MYT1L: variants seen among roughly 807,000 people sequenced by gnomAD.
The protein encoded by MYT1L is myelin transcription factor 1 like.
Under a neutral mutation model 126.7 loss-of-function variants are expected in MYT1L, and 12 were observed. That is an observed-to-expected ratio of 0.09 (90% CI 0.06 to 0.15). The LOEUF (loss-of-function observed/expected upper bound fraction) is 0.15, where lower values mean the gene tolerates loss of function less well. MYT1L is among the 10% of genes least tolerant of loss of function. The pLI, the probability that MYT1L is intolerant of heterozygous loss-of-function variation, is 1.00. For synonymous variants in MYT1L, 541 were observed against 604.2 expected, an observed-to-expected ratio of 0.90 and a Z score of 1.53; for missense variants, 979 against 1,585.2, an observed-to-expected ratio of 0.62 and a Z score of 6.49.
chr2:2,184,186 A>G (rs2091879740), intron 2 of MYT1L, among the ~76,000 whole-genome samples: 1 of 152,200 alleles, frequency 6.6e-6, no homozygotes, highest in Non-Finnish European at 1.5e-5. Flanking sequence ...AACACAGCTG[A>G]TATCTACCTA....
chr2:1,938,495 C>T (rs188617223), intron 9 of MYT1L, among the ~76,000 whole-genome samples: 4 of 152,098 alleles, frequency 2.6e-5, no homozygotes, highest in Admixed American at 1.3e-4. Context: ...GGTAGGTCTA[C>T]GTATAATAAA....
chr2:1,944,557 G>A (rs184607738), intron 8 of MYT1L, among the ~76,000 whole-genome samples: 149 of 152,166 alleles, frequency 9.8e-4, no homozygotes, highest in African/African-American at 3.4e-3. Flanking sequence ...TATTCTGCAG[G>A]GGGGCTCCTG....
chr2:2,265,458 A>C (rs1450359240), intron 2 of MYT1L, among the ~76,000 whole-genome samples: 1 of 152,194 alleles, frequency 6.6e-6, no homozygotes, highest in Non-Finnish European at 1.5e-5. Context: ...TATTTTAATA[A>C]GTGCGAGTCC....
chr2:2,029,148 T>C (rs1272425543), intron 4 of MYT1L, among the ~76,000 whole-genome samples: 2 of 152,196 alleles, frequency 1.3e-5, no homozygotes, highest in Non-Finnish European at 2.9e-5. Context: ...GGTAATATTT[T>C]ATTGAACTAT....
chr2:2,309,127 A>G (rs1178431733), intron 1 of MYT1L, among the ~76,000 whole-genome samples: 1 of 150,340 alleles, frequency 6.7e-6, no homozygotes, highest in Admixed American at 6.6e-5. Context: ...ACCCACTTCA[A>G]TATACTCTAA....
intron 21 of MYT1L, among the ~76,000 whole-genome samples, chr2:1,821,850 A>G (rs996031964): frequency 3.3e-5 from 5 of 152,146 alleles, no homozygotes; most frequent in African/African-American, 1.2e-4. Flanking sequence ...TGACGTTCCC[A>G]TCTTCAGTAC....
intron 4 of MYT1L, among the ~76,000 whole-genome samples, chr2:2,040,129 T>C (rs1193013551): frequency 6.6e-6 from 1 of 152,200 alleles, no homozygotes; most frequent in Non-Finnish European, 1.5e-5. Flanking sequence ...GGCTACTATT[T>C]CAGTCTCATT....
intron 21 of MYT1L, chr2:1,828,404 G>C (rs2039662671): frequency 6.6e-6 from 1 of 152,188 alleles, no homozygotes; most frequent in Admixed American, 6.5e-5. Flanking sequence ...GAATGAGAAA[G>C]AGGTAAGGTG....
intron 19 of MYT1L, among the ~76,000 whole-genome samples, chr2:1,843,354 AT>A (rs1343790599): frequency 1.3e-5 from 2 of 152,332 alleles, no homozygotes; most frequent in South Asian, 4.1e-4. Context: ...AGAGCGGGTC[AT>A]TCAATGCATG....
intron 3 of MYT1L, among the ~76,000 whole-genome samples, chr2:2,152,691 A>G (rs973744980): frequency 6.6e-6 from 1 of 152,192 alleles, no homozygotes. Context: ...GGGCCTGATA[A>G]TCATAGCCCT....
intron 8 of MYT1L, among the ~76,000 whole-genome samples, chr2:1,946,079 C>T (rs917917022): frequency 5.3e-5 from 8 of 152,228 alleles, no homozygotes; most frequent in African/African-American, 1.9e-4. Context: ...CTGAGCTCTG[C>T]CTCCTGTCAG....
intron 4 of MYT1L, among the ~76,000 whole-genome samples, chr2:2,003,118 C>A (rs996347120): frequency 6.6e-6 from 1 of 152,126 alleles, no homozygotes; most frequent in Non-Finnish European, 1.5e-5. Flanking sequence ...TACAACTGCT[C>A]CAAAATATGC....
intron 4 of MYT1L, among the ~76,000 whole-genome samples, chr2:2,015,180 C>T (rs2064246149): frequency 6.6e-6 from 1 of 152,168 alleles, no homozygotes; most frequent in Non-Finnish European, 1.5e-5. Context: ...CACTGCAATG[C>T]TGAAGAGAAT....
intron 3 of MYT1L, among the ~76,000 whole-genome samples, chr2:2,095,157 CA>C (rs144833729): frequency 6.6e-6 from 1 of 152,314 alleles, no homozygotes; most frequent in African/African-American, 2.4e-5. Flanking sequence ...CGCTGTGTCC[CA>C]GGGGGTGCCC....
At chr2:1,839,471 A>G (rs1435466798) in intron 20 of MYT1L, 101 bp from the exon 21 acceptor site, 5 of 1,050,898 alleles carry the variant, frequency 4.8e-6, no homozygotes, top group Middle Eastern at 4.4e-4. Flanking sequence ...AGAAAAAAAC[A>G]ACCATGCCCT....
intron 8 of MYT1L, among the ~76,000 whole-genome samples, chr2:1,961,765 A>G (rs1355231901): frequency 6.6e-6 from 1 of 152,256 alleles, no homozygotes; most frequent in African/African-American, 2.4e-5. Flanking sequence ...AAACACTGCA[A>G]TGAAGTGAAC....
At chr2:1,798,691 G>T (rs959331686) in intron 23 of MYT1L, among the ~76,000 whole-genome samples, 1 of 152,234 alleles carries the variant, frequency 6.6e-6, no homozygotes, top group Non-Finnish European at 1.5e-5. Context: ...GCTCCCTGAG[G>T]GTGTGCGGGC....
Position 1,943,322 on chromosome 2 carries a change from A to G in MYT1L, c.165T>C (p.Cys55=). ...KYARHRSVYG[C]PLAKKRKTQD... ...GTGTTTTTCTTTTTTTCGCCAAGGG[A>G]CAACCATATACACTAATTAAAAAAA... is the stretch of plus-strand genomic sequence containing the variant. Residue 55 remains cysteine, a synonymous_variant, in exon 9 of 25, where the codon TGT becomes TGC. Transcript: ENST00000647738. This position sits in a 1 kb window ranked among gnomAD's most constrained non-coding sequence, Gnocchi z 4.4. The G allele has an allele frequency of 6.4e-7, 1 of 1,570,192 alleles. No homozygotes were observed. The highest frequency in any genetic ancestry group is 8.6e-7 in the Non-Finnish European group (1 of 1,157,076).
intron 2 of MYT1L, among the ~76,000 whole-genome samples, chr2:2,263,881 A>G (rs1403792783): frequency 3.9e-5 from 6 of 152,170 alleles, no homozygotes; most frequent in Non-Finnish European, 7.3e-5. Context: ...TGAGTTTTAT[A>G]TCTGTTTCTC....
Sources: allele counts gnomAD v4.1 joint callset (sites outside exome capture counted in the v4.1 genomes callset), GRCh38; gene constraint gnomAD v4.1.1; non-coding constraint Gnocchi (gnomAD v3.1); transcripts MANE v1.5; gene names NCBI Gene and HGNC (gene_info 2026-07-23, HGNC 2026-07-21).